GREB1L: variants seen among roughly 807,000 people sequenced by gnomAD.
The protein encoded by GREB1L is GREB1 like retinoic acid receptor coactivator, also known as GREB1-like protein.
Under a neutral mutation model 200.8 loss-of-function variants are expected in GREB1L, and 17 were observed. That is an observed-to-expected ratio of 0.08 (90% CI 0.06 to 0.13). GREB1L has a LOEUF of 0.13. GREB1L is among the 10% of genes least tolerant of loss of function. The pLI is 1.00. For missense variants in GREB1L, 1,657 were observed against 2,367.7 expected, an observed-to-expected ratio of 0.70 and a Z score of 6.23; for synonymous variants, 789 against 893.0, an observed-to-expected ratio of 0.88 and a Z score of 2.08.
intron 21 of GREB1L, among the ~76,000 whole-genome samples, chr18:21,498,462 A>G (rs2036640429): frequency 6.6e-6 from 1 of 152,142 alleles, no homozygotes; most frequent in Admixed American, 6.6e-5. Context: ...GAAGGATAGT[A>G]AAGGTTCACA....
intron 1 of GREB1L, among the ~76,000 whole-genome samples, chr18:21,267,392 G>A (rs548716573): frequency 3.0e-4 from 46 of 152,126 alleles, no homozygotes; most frequent in African/African-American, 1.1e-3. Flanking sequence ...ATATTGGCCA[G>A]GGTGGTCTCG....
intron 5 of GREB1L, among the ~76,000 whole-genome samples, chr18:21,400,581 G>A (rs1567979949): frequency 2.0e-5 from 3 of 152,184 alleles, no homozygotes; most frequent in Admixed American, 6.5e-5. Context: ...ACCCTAATTC[G>A]GATTCCAATT....
At chr18:21,358,221 G>C (rs2039532686) in intron 1 of GREB1L, among the ~76,000 whole-genome samples, 1 of 151,874 alleles carries the variant, frequency 6.6e-6, no homozygotes, top group Non-Finnish European at 1.5e-5. Flanking sequence ...TTATAAATAA[G>C]ATTTTTTTCC....
At chr18:21,265,045 T>G (rs2037944841) in intron 1 of GREB1L, among the ~76,000 whole-genome samples, 1 of 152,194 alleles carries the variant, frequency 6.6e-6, no homozygotes, top group South Asian at 2.1e-4. Flanking sequence ...TTGTCAAGTA[T>G]TTGCTACACT....
chr18:21,497,367 G>A lies in GREB1L; in HGVS notation c.3391+669G>A, dbSNP rs558262622. On this transcript the variant is annotated intron_variant, in intron 21 of 32. Coordinates refer to ENST00000424526, the MANE Select transcript of GREB1L (RefSeq NM_001142966.3). ...AATGCAGAAAACATGGAAAATGTCGGCCGGGTGCAGTGGTCCTGTAATCCT... is the reference window on the plus strand; with the variant it reads ...AATGCAGAAAACATGGAAAATGTCGACCGGGTGCAGTGGTCCTGTAATCCT... Among the ~76,000 whole-genome samples, 27 of 152,350 alleles carry A rather than the reference G, an allele frequency of 1.8e-4. 2 individuals are homozygous for A. The South Asian group carries it at 5.6e-3, about 32-fold the overall frequency.
chr18:21,328,313 G>A (rs2039055744), intron 1 of GREB1L, among the ~76,000 whole-genome samples: 1 of 152,138 alleles, frequency 6.6e-6, no homozygotes, highest in Non-Finnish European at 1.5e-5. Context: ...CTCAGCATCT[G>A]TCCCAATGCA....
intron 11 of GREB1L, among the ~76,000 whole-genome samples, chr18:21,447,360 A>C (rs186533320): frequency 8.8e-4 from 134 of 152,338 alleles, no homozygotes; most frequent in Non-Finnish European, 1.7e-3. Context: ...TTTGGAAACA[A>C]GGCATTTTAC....
At position 21,375,557 on chromosome 18, in the gene GREB1L, G is replaced by T. The variant is rs1467968429; in HGVS notation, c.-9-7953G>T. Reference sequence around the variant, plus strand: ...TCTTTTCTGATTTTTTTCTTTGGAGGTCAGCAGTTTTATAGTACATTACCA... The same window carrying T: ...TCTTTTCTGATTTTTTTCTTTGGAGTTCAGCAGTTTTATAGTACATTACCA... On this transcript the variant is annotated intron_variant, in intron 2 of 32. Coordinates refer to ENST00000424526, the MANE Select transcript of GREB1L (RefSeq NM_001142966.3). Among the ~76,000 whole-genome samples the T allele has an allele frequency of 2.0e-5, 3 of 152,016 alleles. No individual in the cohort carries two copies. In the East Asian group the frequency reaches 5.8e-4, roughly 29 times the overall value.
intron 23 of GREB1L, among the ~76,000 whole-genome samples, chr18:21,502,681 G>T (rs945386834): frequency 6.6e-6 from 1 of 151,906 alleles, no homozygotes; most frequent in African/African-American, 2.4e-5. Context: ...GCACTAGATC[G>T]TCGGGCCCAC....
At chr18:21,298,234 G>T (rs1043247139) in intron 1 of GREB1L, among the ~76,000 whole-genome samples, 1 of 152,080 alleles carries the variant, frequency 6.6e-6, no homozygotes, top group East Asian at 1.9e-4. Context: ...TTCACTGTGC[G>T]TCCACATTCA....
At chr18:21,392,671 C>T (rs574263443) in intron 4 of GREB1L, among the ~76,000 whole-genome samples, 1 of 152,114 alleles carries the variant, frequency 6.6e-6, no homozygotes, top group African/African-American at 2.4e-5. Flanking sequence ...TTTCCCAATT[C>T]TATTAGGCTT....
At chr18:21,249,921 A>G (rs1413377465) in intron 1 of GREB1L, among the ~76,000 whole-genome samples, 1 of 152,168 alleles carries the variant, frequency 6.6e-6, no homozygotes, top group Admixed American at 6.5e-5. Context: ...AATGAACAAA[A>G]GAAATTGAGG....
intron 7 of GREB1L, among the ~76,000 whole-genome samples, chr18:21,428,087 G>A (rs28823981): frequency 0.011 from 1,577 of 149,880 alleles, 33 homozygotes; most frequent in African/African-American, 0.036. Context: ...CTACTCGGGA[G>A]GCTGAGGCAG....
chr18:21,342,815 A>G (rs1487786303), intron 1 of GREB1L, among the ~76,000 whole-genome samples: 1 of 152,268 alleles, frequency 6.6e-6, no homozygotes, highest in African/African-American at 2.4e-5. Flanking sequence ...TGTTTTCCAT[A>G]TAATTTTTAC....
intron 17 of GREB1L, among the ~76,000 whole-genome samples, chr18:21,479,025 G>A (rs938471438): frequency 3.9e-5 from 6 of 152,040 alleles, no homozygotes; most frequent in Non-Finnish European, 5.9e-5. Flanking sequence ...GAGATTACAG[G>A]TGCTCGCCAC....
chr18:21,325,399 A>G (rs1289465908), intron 1 of GREB1L, among the ~76,000 whole-genome samples: 1 of 152,194 alleles, frequency 6.6e-6, no homozygotes, highest in Non-Finnish European at 1.5e-5. Context: ...CTCGAATCCA[A>G]CAGAAATTGA....
At chr18:21,459,691 T>G (rs1215335593) in intron 15 of GREB1L, among the ~76,000 whole-genome samples, 2 of 152,124 alleles carry the variant, frequency 1.3e-5, no homozygotes, top group African/African-American at 4.8e-5. Context: ...AAAGACATAT[T>G]TTTTTGGTCT....
At chr18:21,307,018 A>G (rs1472764593) in intron 1 of GREB1L, among the ~76,000 whole-genome samples, 3 of 152,146 alleles carry the variant, frequency 2.0e-5, no homozygotes, top group African/African-American at 4.8e-5. Context: ...ATTTTCTGTC[A>G]TGTGATTGAT....
At chr18:21,409,825 T>C (rs1363396897) in intron 7 of GREB1L, among the ~76,000 whole-genome samples, 1 of 152,136 alleles carries the variant, frequency 6.6e-6, no homozygotes, top group South Asian at 2.1e-4. Flanking sequence ...ACAACGCCTG[T>C]TTTGCATCTT....
Sources: allele counts gnomAD v4.1 joint callset (sites outside exome capture counted in the v4.1 genomes callset), GRCh38; gene constraint gnomAD v4.1.1; transcripts MANE v1.5; gene names NCBI Gene and HGNC (gene_info 2026-07-23, HGNC 2026-07-21).